The following TRPM2 variants were observed in gnomAD, a reference collection of about 807,000 sequenced individuals.
The protein encoded by TRPM2 is estrogen-responsive element-associated gene 1 protein.
TRPM2 carries 161 observed loss-of-function variants against 174.0 expected under a neutral mutation model. The observed-to-expected ratio is 0.93, with a 90% CI of 0.81 to 1.05. The LOEUF (loss-of-function observed/expected upper bound fraction) is 1.05, where lower values mean the gene tolerates loss of function less well. TRPM2 is among the 50% of genes least tolerant of loss of function. TRPM2 has a pLI of 0.00. For synonymous variants in TRPM2, 954 were observed against 861.3 expected (o/e 1.11, Z -1.88); for missense variants, 2,057 against 2,038.0 (o/e 1.01, Z -0.18).
intron 2 of TRPM2, among the ~76,000 whole-genome samples, chr21:44,363,052 G>A (rs1039397500): frequency 1.3e-5 from 2 of 152,222 alleles, no homozygotes; most frequent in Non-Finnish European, 1.5e-5. Flanking sequence ...GATTATAGGC[G>A]TGAGCCACTG....
intron 9 of TRPM2, among the ~76,000 whole-genome samples, chr21:44,388,052 C>T (rs74435553): frequency 0.023 from 3,517 of 152,210 alleles, 63 homozygotes; most frequent in Non-Finnish European, 0.037. Flanking sequence ...GATACATATG[C>T]CACTCCCCAC....
In TRPM2 at chr21:44,361,751, A is replaced by G. The variant is rs1253277248; in HGVS notation, c.255-2363A>G. Among the ~76,000 whole-genome samples the G allele has an allele frequency of 3.9e-5, 6 of 152,004 alleles. No individual in the cohort carries two copies. The East Asian group carries it at 1.2e-3, about 29-fold the overall frequency. On this transcript the variant is annotated intron_variant, in intron 2 of 31. Transcript: ENST00000397928. ...GAGACAGAGTCTCACTCTGTTGCCC[A>G]GGCTGGAGTACAGTGGCACGATCTC...
intron 16 of TRPM2, among the ~76,000 whole-genome samples, chr21:44,403,738 C>T (rs1467361546): frequency 1.3e-5 from 2 of 151,122 alleles, no homozygotes; most frequent in African/African-American, 2.4e-5. Context: ...CACATACATG[C>T]ATATAGAGAT....
chr21:44,364,420 A>T (rs2048301084), intron 3 of TRPM2, 138 bp downstream of exon 3: 3 of 1,039,614 alleles, frequency 2.9e-6, no homozygotes, highest in South Asian at 3.1e-5. Flanking sequence ...CTGCACAGCA[A>T]GGGAAGCGGC....
chr21:44,397,864 C>T lies in TRPM2; in HGVS notation c.2050C>T (p.His684Tyr), dbSNP rs1240545393. 6.2e-7 allele frequency: 1 copy of T among 1,604,266 alleles called. No individual in the cohort carries two copies. The highest frequency in any genetic ancestry group is 8.5e-7 in the Non-Finnish European group (1 of 1,175,468). The change falls in exon 13 of 32, where the codon CAC becomes TAC. Residue 684 changes from histidine (H) to tyrosine (Y), a missense_variant. Physicochemically the swap from His to Tyr is moderately conservative, Grantham distance 83. Coordinates refer to ENST00000397928, the MANE Select transcript of TRPM2 (RefSeq NM_003307.4). ...GCTGGCGCTGGCGGAGGAGTATGAGCACAGAGCCATCGGTGAGCTCTGCCG... is the reference window on the plus strand; with the variant it reads ...GCTGGCGCTGGCGGAGGAGTATGAGTACAGAGCCATCGGTGAGCTCTGCCG... Reference protein sequence around the residue: ...EMLALAEEYEHRAIGVFTECY... With the variant: ...EMLALAEEYEYRAIGVFTECY...
rs761139109 is a variant in TRPM2 at position 44,418,010 on chromosome 21, G to T, written c.3230G>T (p.Arg1077Leu). 4.3e-6 allele frequency: 7 copies of T among 1,612,630 alleles called. No individual in the cohort carries two copies. The highest frequency in any genetic ancestry group is 5.1e-6 in the Non-Finnish European group (6 of 1,179,964). ...RHDLIEEYHG[R>L]PAAPPPFILL... ...GACCTGATCGAGGAGTACCACGGCC[G>T]CCCCGCCGCGCCGCCCCCCTTCATC... The change falls in exon 21 of 32, where the codon CGC becomes CTC. Residue 1077 changes from arginine (R) to leucine (L), a missense_variant. Physicochemically the swap from Arg to Leu is moderately radical, Grantham distance 102. Coordinates refer to ENST00000397928, the MANE Select transcript of TRPM2 (RefSeq NM_003307.4).
rs112160807 is a variant in TRPM2, at chr21:44,418,687, C to T, written c.3461+132C>T. The stretch of plus-strand genomic sequence containing the variant: ...TCACCGGTGAGGGAGCGCTGTATCC[C>T]GTGGCCCCTGCAATGCTGCAGGCAT... On this transcript the variant is annotated intron_variant, in intron 22 of 31. Transcript: ENST00000397928. The T allele has an allele frequency of 1.3e-4, 158 of 1,194,816 alleles. No homozygotes were observed. The African/African-American group carries it at 1.8e-3, about 13-fold the overall frequency. 74.0% of individuals were successfully genotyped at this position (1,194,816 alleles called of 1,614,324 possible).
chr21:44,369,180 C>A lies in TRPM2; in HGVS notation c.608C>A (p.Ala203Asp). The change falls in exon 5 of 32, where the codon GCC (alanine) becomes GAC (aspartate). Residue 203 changes from alanine (A) to aspartate (D), a missense_variant. Ala to Asp is a moderately radical substitution (Grantham distance 126). Coordinates refer to ENST00000397928, the MANE Select transcript of TRPM2 (RefSeq NM_003307.4). The stretch of plus-strand genomic sequence containing the variant: ...CCCACCCGTGCTCCTTCCCCAGGGG[C>A]CTGGATCATCACAGGGGGGTCCCAC... ...GLVKVAQTTGAWIITGGSHTG... is the reference protein window; with the variant it reads ...GLVKVAQTTGDWIITGGSHTG... 6 of 1,605,998 alleles carry A rather than the reference C, an allele frequency of 3.7e-6. No individual in the cohort carries two copies. The highest frequency in any genetic ancestry group is 3.3e-5 in the South Asian group (3 of 90,008).
chr21:44,433,524 G>A (rs552614871), intron 27 of TRPM2, among the ~76,000 whole-genome samples: 1 of 152,334 alleles, frequency 6.6e-6, no homozygotes. Context: ...TGGCAAGGGC[G>A]GGGTGGACGG....
At chr21:44,431,366 T>G (rs1340224650) in intron 27 of TRPM2, among the ~76,000 whole-genome samples, 1 of 152,098 alleles carries the variant, frequency 6.6e-6, no homozygotes, top group East Asian at 1.9e-4. Context: ...CTTAAGCTCC[T>G]GGGCTCAAGC....
intron 28 of TRPM2, among the ~76,000 whole-genome samples, chr21:44,436,350 G>T (rs2051265321): frequency 6.6e-6 from 1 of 152,082 alleles, no homozygotes; most frequent in African/African-American, 2.4e-5. Context: ...GGGGCCTTTG[G>T]CCTCAGGGTC....
rs1313836238 is a variant in TRPM2, at chr21:44,379,164, C to T, written c.1182C>T (p.Phe394=). Residue 394 remains phenylalanine, a synonymous_variant, in exon 8 of 32, where the codon TTC becomes TTT. Transcript: ENST00000397928. ...SVFFQEMFET[F]TESRIVEWTK... ...TCTTCCAGGAGATGTTTGAGACCTT[C>T]ACGGAAAGCAGGATTGTCGAGTGGA... 6.2e-7 allele frequency: 1 copy of T among 1,613,470 alleles called. No homozygotes were observed. Among genetic ancestry groups the T allele is most frequent in the Admixed American group, 1.7e-5 (1 of 60,030 alleles).
Position 44,382,833 on chromosome 21 carries a change from G to A in TRPM2, c.1318+13G>A, listed in dbSNP as rs1187794297. The A allele has an allele frequency of 3.1e-6, 5 of 1,608,724 alleles. No homozygotes were observed. The highest frequency in any genetic ancestry group is 4.2e-6 in the Non-Finnish European group (5 of 1,177,650). On this transcript the variant is annotated intron_variant, in intron 9 of 31. Coordinates refer to ENST00000397928, the MANE Select transcript of TRPM2 (RefSeq NM_003307.4). ...GCCTTGCTGAAAGGTGAGGGTCAGGGAACATGGGGGCAATGGGGTGGAGGC... is the reference window on the plus strand; with the variant it reads ...GCCTTGCTGAAAGGTGAGGGTCAGGAAACATGGGGGCAATGGGGTGGAGGC...
chr21:44,377,969 G>A lies in TRPM2; in HGVS notation c.1014+196G>A, dbSNP rs541944573. ...GGTGGAGGACGGGTCGGAGGAAGGT[G>A]CCTGGAGGAGGAGGCTGGGCTTGGC... On this transcript the variant is annotated intron_variant, in intron 7 of 31. Coordinates refer to ENST00000397928, the MANE Select transcript of TRPM2 (RefSeq NM_003307.4). 8.5e-5 allele frequency among the ~76,000 whole-genome samples: 13 copies of A among 152,360 alleles called. No individual in the cohort carries two copies. In the South Asian group the frequency reaches 2.5e-3, roughly 29 times the overall value.
At position 44,353,742 on chromosome 21, in the gene TRPM2, G is replaced by A; in HGVS notation, c.42G>A (p.Glu14=). Residue 14 remains glutamate, a synonymous_variant, in exon 1 of 32, where the codon GAG becomes GAA. Transcript: ENST00000397928. ...SALRKAGSEQ[E]EGFEGLPRRV... ...TGAGGAAAGCTGGCTCGGAGCAGGA[G>A]GAGGGCTTTGAGGGGCTGCCCAGAA... is the stretch of plus-strand genomic sequence containing the variant. 2 of 1,588,326 alleles carry A rather than the reference G, an allele frequency of 1.3e-6. No homozygotes were observed. Among genetic ancestry groups the A allele is most frequent in the Non-Finnish European group, 8.5e-7 (1 of 1,169,806 alleles).
intron 27 of TRPM2, among the ~76,000 whole-genome samples, chr21:44,433,599 C>A (rs1481934410): frequency 6.6e-6 from 1 of 152,186 alleles, no homozygotes; most frequent in African/African-American, 2.4e-5. Context: ...CCTGACTGAG[C>A]CCCGGCCTTC....
At chr21:44,365,854 A>C (rs1365413604) in intron 3 of TRPM2, among the ~76,000 whole-genome samples, 1 of 152,164 alleles carries the variant, frequency 6.6e-6, no homozygotes, top group Non-Finnish European at 1.5e-5. Flanking sequence ...TCCCAGGGAG[A>C]CCAGCACCTC....
At position 44,366,535 on chromosome 21, in the gene TRPM2, C is replaced by T. The variant is rs1483948114; in HGVS notation, c.424-219C>T. Among the ~76,000 whole-genome samples the T allele has an allele frequency of 6.6e-6, 1 of 152,138 alleles. No homozygotes were observed. ...AGGTTTGCTGAGGGCGATCCTGGTC[C>T]CCAAAGGATGGCCTGATGCTCCTGG... On this transcript the variant is annotated intron_variant, in intron 3 of 31. Coordinates refer to ENST00000397928, the MANE Select transcript of TRPM2 (RefSeq NM_003307.4). This position sits in a 1 kb window ranked among gnomAD's most constrained non-coding sequence, Gnocchi z 6.0.
intron 27 of TRPM2, among the ~76,000 whole-genome samples, chr21:44,430,325 G>T (rs1569112665): frequency 6.6e-6 from 1 of 151,832 alleles, no homozygotes; most frequent in Non-Finnish European, 1.5e-5. Context: ...GAGAATGTTT[G>T]TATGAGGTGG....
Sources: allele counts gnomAD v4.1 joint callset (sites outside exome capture counted in the v4.1 genomes callset), GRCh38; gene constraint gnomAD v4.1.1; non-coding constraint Gnocchi (gnomAD v3.1); transcripts MANE v1.5; gene names NCBI Gene and HGNC (gene_info 2026-07-23, HGNC 2026-07-21).